The following GABRA3 variants were observed in gnomAD, a reference collection of about 807,000 sequenced individuals.
GABRA3 encodes the protein gamma-aminobutyric acid receptor subunit alpha-3.
Under a neutral mutation model 30.1 loss-of-function variants are expected in GABRA3, and 10 were observed. The observed-to-expected ratio is 0.33, with a 90% CI of 0.20 to 0.56. The LOEUF (loss-of-function observed/expected upper bound fraction) is 0.56. Among genes scored for constraint, GABRA3 ranks in the 20% least tolerant of loss-of-function variants. GABRA3 has a pLI of 0.89. For missense variants in GABRA3, 233 were observed against 392.0 expected (o/e 0.59, Z 3.42); for synonymous variants, 151 against 146.8 (o/e 1.03, Z -0.21).
intron 9 of GABRA3, among the ~76,000 whole-genome samples, chrX:152,182,408 GAC>G (rs1358134674): frequency 2.3e-5 from 2 of 88,006 alleles, no homozygotes; most frequent in Middle Eastern, 7.3e-3. Context: ...AGTATATATA[GAC>G]ACACTATATA....
chrX:152,354,223 A>G (rs1940518000), intron 2 of GABRA3, among the ~76,000 whole-genome samples: 1 of 111,650 alleles, frequency 9.0e-6, no homozygotes, highest in Non-Finnish European at 1.9e-5. Context: ...CTGGGTTTCA[A>G]TCCTAACTCT....
intron 3 of GABRA3, among the ~76,000 whole-genome samples, chrX:152,316,724 A>G (rs1332857896): frequency 1.8e-5 from 2 of 112,045 alleles, no homozygotes; most frequent in Middle Eastern, 4.6e-3. Context: ...TAAACAAAAC[A>G]ATTATCAGCC....
chrX:152,322,302 T>C (rs749137940), intron 3 of GABRA3, among the ~76,000 whole-genome samples: 2 of 111,638 alleles, frequency 1.8e-5, no homozygotes, highest in African/African-American at 6.5e-5. Context: ...ACATAGAGAA[T>C]GCAAATTCAT....
intron 6 of GABRA3, among the ~76,000 whole-genome samples, chrX:152,223,417 C>G (rs974687632): frequency 2.7e-5 from 3 of 111,327 alleles, no homozygotes; most frequent in Non-Finnish European, 5.7e-5. Context: ...TCAGATAATG[C>G]CATTCTTTTG....
At chrX:152,266,956 A>C (rs1390568043) in intron 4 of GABRA3, among the ~76,000 whole-genome samples, 1 of 111,720 alleles carries the variant, frequency 9.0e-6, no homozygotes, top group African/African-American at 3.3e-5. Context: ...TACTAAAAGA[A>C]GATCTTCATG....
chrX:152,398,277 TGGG>T (rs1929711429), intron 1 of GABRA3, among the ~76,000 whole-genome samples: 4 of 92,881 alleles, frequency 4.3e-5, no homozygotes, highest in African/African-American at 7.9e-5. Flanking sequence ...TTTTTTTTTT[TGGG>T]CTCTACAGCC....
intron 3 of GABRA3, among the ~76,000 whole-genome samples, chrX:152,325,667 A>C (rs1940043496): frequency 1.8e-5 from 2 of 112,327 alleles, no homozygotes; most frequent in African/African-American, 6.5e-5. Context: ...ACAAACAGAA[A>C]GGACATCCAC....
chrX:152,426,254 G>T (rs1014832434), intron 1 of GABRA3, among the ~76,000 whole-genome samples: 1 of 111,297 alleles, frequency 9.0e-6, no homozygotes, highest in African/African-American at 3.3e-5. Context: ...CCTCATATGC[G>T]AATAGTGGAT....
chrX:152,223,462 A>G (rs756824259), intron 6 of GABRA3, among the ~76,000 whole-genome samples: 1 of 111,019 alleles, frequency 9.0e-6, no homozygotes, highest in African/African-American at 3.3e-5. Context: ...ATTTTTCCTT[A>G]GAATATAATT....
chrX:152,293,133 C>G (rs1603235521), intron 3 of GABRA3, among the ~76,000 whole-genome samples: 2 of 110,986 alleles, frequency 1.8e-5, no homozygotes, highest in African/African-American at 3.3e-5. Flanking sequence ...GTTGATCTGT[C>G]TAATATTGAC....
At chrX:152,324,308 A>G (rs1235083624) in intron 3 of GABRA3, among the ~76,000 whole-genome samples, 1 of 112,462 alleles carries the variant, frequency 8.9e-6, no homozygotes, top group Non-Finnish European at 1.9e-5. Context: ...CAGACTGGTA[A>G]ACAAAAATAC....
chrX:152,436,952 T>C (rs1930791855), intron 1 of GABRA3, among the ~76,000 whole-genome samples: 1 of 111,522 alleles, frequency 9.0e-6, no homozygotes, highest in Non-Finnish European at 1.9e-5. Context: ...ATTTGTATTA[T>C]ATTTAATATT....
intron 9 of GABRA3, among the ~76,000 whole-genome samples, chrX:152,189,080 A>T (rs1468015823): frequency 8.9e-6 from 1 of 112,365 alleles, no homozygotes; most frequent in Non-Finnish European, 1.9e-5. Flanking sequence ...CTAGCTAGAA[A>T]TAAGAGGCAG....
intron 9 of GABRA3, among the ~76,000 whole-genome samples, chrX:152,171,982 C>T (rs749342532): frequency 8.9e-6 from 1 of 111,808 alleles, no homozygotes; most frequent in South Asian, 3.8e-4. Context: ...AGAGTATATA[C>T]TTACATGGTC....
At chrX:152,406,779 T>G (rs1011734964) in intron 1 of GABRA3, among the ~76,000 whole-genome samples, 2 of 110,492 alleles carry the variant, frequency 1.8e-5, no homozygotes, top group Non-Finnish European at 1.9e-5. Context: ...GCAAAATATT[T>G]TATCCAACAG....
intron 3 of GABRA3, among the ~76,000 whole-genome samples, chrX:152,333,317 C>T (rs923481221): frequency 9.0e-6 from 1 of 111,588 alleles, no homozygotes; most frequent in Non-Finnish European, 1.9e-5. Flanking sequence ...TTATGAAACA[C>T]GGAGAAAAGA....
At chrX:152,175,445 G>T (rs1461332993) in intron 9 of GABRA3, among the ~76,000 whole-genome samples, 1 of 111,193 alleles carries the variant, frequency 9.0e-6, no homozygotes, top group Admixed American at 9.6e-5. Flanking sequence ...TAGGTGCTTG[G>T]GGTGCAGGAA....
intron 2 of GABRA3, among the ~76,000 whole-genome samples, chrX:152,350,670 T>C (rs749112734): frequency 8.9e-6 from 1 of 111,835 alleles, no homozygotes; most frequent in South Asian, 3.8e-4. Flanking sequence ...AATGTTTATA[T>C]TTTGACCTGC....
At chrX:152,235,745 G>C (rs1209304820) in intron 5 of GABRA3, among the ~76,000 whole-genome samples, 1 of 111,182 alleles carries the variant, frequency 9.0e-6, no homozygotes, top group Non-Finnish European at 1.9e-5. Context: ...TGTGTTCATG[G>C]ATTGAAAGAA....
Sources: gnomAD v4.1 joint callset for allele counts (sites outside exome capture counted in the v4.1 genomes callset) on GRCh38, gnomAD v4.1.1 for gene constraint, MANE v1.5 for transcripts, NCBI Gene and HGNC (gene_info 2026-07-23, HGNC 2026-07-21) for gene names.